SYN3: variants seen among roughly 807,000 people sequenced by gnomAD.
SYN3 encodes synapsin-3.
SYN3 carries 35 observed loss-of-function variants against 65.8 expected under a neutral mutation model. The observed-to-expected ratio is 0.53, with a 90% CI of 0.41 to 0.70. SYN3 has a LOEUF of 0.70. Among genes scored for constraint, SYN3 ranks in the 30% least tolerant of loss-of-function variants. The pLI is 0.00. For missense variants in SYN3, 680 were observed against 749.0 expected (o/e 0.91, Z 1.08); for synonymous variants, 270 against 292.9 (o/e 0.92, Z 0.80).
At chr22:32,772,915 G>C (rs1251596627) in intron 6 of SYN3, among the ~76,000 whole-genome samples, 1 of 152,186 alleles carries the variant, frequency 6.6e-6, no homozygotes, top group African/African-American at 2.4e-5. Context: ...TAGCTGGTTT[G>C]GGGTTTCCAA....
At position 32,978,785 on chromosome 22, in the gene SYN3, C is replaced by T. The variant is rs182209289; in HGVS notation, c.369+1860G>A. On this transcript the variant is annotated intron_variant, in intron 3 of 13. Coordinates refer to ENST00000358763, the MANE Select transcript of SYN3 (RefSeq NM_003490.4). The stretch of plus-strand genomic sequence containing the variant: ...GAGCCCAAGTTTCCTCAGCAACAGG[C>T]ATACTGTGTGGATTGAATGAGTGAC... Among the ~76,000 whole-genome samples the T allele has an allele frequency of 2.6e-5, 4 of 152,282 alleles. No homozygotes were observed. In the East Asian group the frequency reaches 7.7e-4, roughly 29 times the overall value.
chr22:32,571,332 G>A (rs969274553), intron 7 of SYN3, among the ~76,000 whole-genome samples: 1 of 152,076 alleles, frequency 6.6e-6, no homozygotes, highest in East Asian at 1.9e-4. Context: ...CTGGCCCTGG[G>A]TTGCTCTGGG....
At chr22:32,783,883 C>T (rs1261387264) in intron 6 of SYN3, among the ~76,000 whole-genome samples, 1 of 152,210 alleles carries the variant, frequency 6.6e-6, no homozygotes, top group African/African-American at 2.4e-5. Flanking sequence ...CCCAGCAATA[C>T]TATAACTGTG....
chr22:33,013,167 G>GA (rs1490147811), intron 1 of SYN3, among the ~76,000 whole-genome samples: 3 of 151,946 alleles, frequency 2.0e-5, no homozygotes, highest in South Asian at 2.1e-4. Flanking sequence ...CCCTGACTTT[G>GA]AAAAAAAATC....
At chr22:32,596,052 G>A (rs911938113) in intron 7 of SYN3, among the ~76,000 whole-genome samples, 3 of 152,146 alleles carry the variant, frequency 2.0e-5, no homozygotes, top group Non-Finnish European at 4.4e-5. Context: ...ACACCAGCCT[G>A]GGTGACAGAG....
intron 6 of SYN3, among the ~76,000 whole-genome samples, chr22:32,851,803 T>G (rs1349315051): frequency 6.6e-6 from 1 of 152,098 alleles, no homozygotes; most frequent in Non-Finnish European, 1.5e-5. Context: ...ACTCTGACCC[T>G]CCATAGAGGG....
chr22:33,034,185 T>TAA (rs200574766), intron 1 of SYN3, among the ~76,000 whole-genome samples: 94 of 136,444 alleles, frequency 6.9e-4, no homozygotes, highest in Admixed American at 1.2e-3. Flanking sequence ...GACTCTGTGT[T>TAA]AAAAAAAAAC....
chr22:32,684,829 A>G (rs2060569482), intron 6 of SYN3, among the ~76,000 whole-genome samples: 1 of 152,194 alleles, frequency 6.6e-6, no homozygotes, highest in African/African-American at 2.4e-5. Flanking sequence ...TAGCAGTGTG[A>G]CCGTCAAAAA....
chr22:32,609,819 T>C (rs1235337114), intron 6 of SYN3, among the ~76,000 whole-genome samples: 1 of 152,138 alleles, frequency 6.6e-6, no homozygotes, highest in African/African-American at 2.4e-5. Context: ...CTGTAAATCT[T>C]GCATAACCTT....
chr22:32,579,874 T>G (rs146478828), intron 7 of SYN3, among the ~76,000 whole-genome samples: 290 of 152,372 alleles, frequency 1.9e-3, no homozygotes, highest in African/African-American at 6.5e-3. Context: ...TCTGTTGTTA[T>G]TGAGCTCCCG....
rs1026285303 is a variant in SYN3 at position 33,042,723 on chromosome 22, AG to A, written c.-163+15568del. Among the ~76,000 whole-genome samples, 7 of 152,266 alleles carry A rather than the reference AG, an allele frequency of 4.6e-5. 1 individual carries two copies. The highest frequency in any genetic ancestry group is 3.9e-4 in the East Asian group (2 of 5,180). On this transcript the variant is annotated intron_variant, in intron 1 of 13. Coordinates refer to ENST00000358763, the MANE Select transcript of SYN3 (RefSeq NM_003490.4). Reference sequence around the variant, plus strand: ...GGAAGGAGAAATCCGACGATCCTGGAGCCCCCCGCCACCCAATCCAAGGCAG... The same window carrying A: ...GGAAGGAGAAATCCGACGATCCTGGACCCCCCGCCACCCAATCCAAGGCAG...
chr22:32,949,684 A>G (rs931826715), intron 3 of SYN3, among the ~76,000 whole-genome samples: 1 of 152,176 alleles, frequency 6.6e-6, no homozygotes, highest in African/African-American at 2.4e-5. Context: ...TACTGAAAGC[A>G]CGGGGTATTC....
chr22:32,931,555 T>G, intron 3 of SYN3, 74 bp from the exon 4 acceptor site: 1 of 981,578 alleles, frequency 1.0e-6, no homozygotes, highest in Non-Finnish European at 1.6e-6. Flanking sequence ...ACATATTGGG[T>G]ACTTAGAGGT....
At chr22:32,947,126 A>AAGGCAC (rs2051137139) in intron 3 of SYN3, among the ~76,000 whole-genome samples, 4 of 152,214 alleles carry the variant, frequency 2.6e-5, no homozygotes, top group Non-Finnish European at 4.4e-5. Context: ...GACCCAGTGT[A>AAGGCAC]TGGCCTTAAG....
intron 4 of SYN3, among the ~76,000 whole-genome samples, chr22:32,905,113 T>C (rs1288692648): frequency 6.6e-6 from 1 of 152,176 alleles, no homozygotes; most frequent in African/African-American, 2.4e-5. Context: ...GAATTTGCTA[T>C]ACTCTCACAA....
intron 6 of SYN3, among the ~76,000 whole-genome samples, chr22:32,763,181 C>T (rs1372191809): frequency 6.6e-6 from 1 of 151,174 alleles, no homozygotes; most frequent in Non-Finnish European, 1.5e-5. Context: ...GAGTCTCACT[C>T]TGTCGCCCAG....
Position 32,615,573 on chromosome 22 carries a change from G to A in SYN3, c.712-18837C>T, listed in dbSNP as rs192594109. Among the ~76,000 whole-genome samples, 375 of 152,228 alleles carry A rather than the reference G, an allele frequency of 2.5e-3. 2 individuals carry two copies. The highest frequency in any genetic ancestry group is 8.1e-3 in the African/African-American group (335 of 41,540). On this transcript the variant is annotated intron_variant, in intron 6 of 13. Transcript: ENST00000358763. ...AGCTCTGCCACATTCTGGAGGAGGT[G>A]GGAAAAGTCACAAGGTGGGAACGCC...
chr22:32,572,878 G>A (rs746097273), intron 7 of SYN3, among the ~76,000 whole-genome samples: 4 of 152,158 alleles, frequency 2.6e-5, no homozygotes, highest in Admixed American at 6.5e-5. Context: ...AGGGCCTTGC[G>A]TTGCCACTGC....
chr22:32,718,650 CAA>C (rs72336175), intron 6 of SYN3, among the ~76,000 whole-genome samples: 1 of 135,662 alleles, frequency 7.4e-6, no homozygotes, highest in Non-Finnish European at 1.6e-5. Context: ...TGAAACTGAC[CAA>C]AAAAAAAAAA....
Sources: gnomAD v4.1 joint callset for allele counts (sites outside exome capture counted in the v4.1 genomes callset) on GRCh38, gnomAD v4.1.1 for gene constraint, MANE v1.5 for transcripts, NCBI Gene and HGNC (gene_info 2026-07-23, HGNC 2026-07-21) for gene names.